Variants in SEC24B observed in about 807,000 individuals in gnomAD.
SEC24B encodes the protein protein transport protein Sec24B.
A neutral mutation model predicts 142.8 loss-of-function variants in SEC24B; 45 were observed. The ratio of observed to expected loss-of-function variants is 0.32; its 90% CI spans 0.25 to 0.40. SEC24B has a LOEUF of 0.40. SEC24B is among the 10% of genes least tolerant of loss of function. SEC24B has a pLI of 1.00. For missense variants in SEC24B, 1,409 were observed against 1,526.8 expected (o/e 0.92, Z 1.29); for synonymous variants, 574 against 568.2 (o/e 1.01, Z -0.15).
chr4:109,482,975 T>TAC (rs1213872850), intron 4 of SEC24B, among the ~76,000 whole-genome samples: 40 of 54,948 alleles, frequency 7.3e-4, no homozygotes, highest in Non-Finnish European at 8.9e-4. Context: ...TATATATATA[T>TAC]ATATACACAC....
chr4:109,444,044 A>G (rs1298950883), intron 1 of SEC24B, among the ~76,000 whole-genome samples: 1 of 151,752 alleles, frequency 6.6e-6, no homozygotes, highest in Non-Finnish European at 1.5e-5. Context: ...CCAACGTGGT[A>G]AAAACCCATC....
chr4:109,477,140 T>TAAA (rs759331468), intron 3 of SEC24B, among the ~76,000 whole-genome samples: 19 of 55,910 alleles, frequency 3.4e-4, no homozygotes, highest in Non-Finnish European at 6.3e-4. Flanking sequence ...CCGTCTCAAA[T>TAAA]AAAAAAAAAA....
chr4:109,488,392 CTTTT>C (rs2125996879), intron 4 of SEC24B, among the ~76,000 whole-genome samples: 1 of 152,234 alleles, frequency 6.6e-6, no homozygotes, highest in African/African-American at 2.4e-5. Context: ...TTGCATCTTT[CTTTT>C]AACATAATGT....
At chr4:109,434,233 CG>C (rs915837130) in intron 1 of SEC24B, among the ~76,000 whole-genome samples, 6 of 101,720 alleles carry the variant, frequency 5.9e-5, no homozygotes, top group Admixed American at 1.0e-4. Flanking sequence ...GGCGTGGGGG[CG>C]GGGGCCGGCC....
At position 109,524,919 on chromosome 4, in the gene SEC24B, G is replaced by A. The variant is rs1016724339; in HGVS notation, c.2610G>A (p.Gln870=). Residue 870 remains glutamine, a synonymous_variant, in exon 15 of 24, where the codon CAG becomes CAA. Transcript: ENST00000265175. ...TAVDLFLLSS[Q]YSDLASLACM... is the part of the protein sequence containing the mutation. Reference sequence around the variant, plus strand: ...TGGATTTGTTCCTTTTAAGTTCACAGTATTCTGATCTTGCTTCTCTAGGTA... The same window carrying A: ...TGGATTTGTTCCTTTTAAGTTCACAATATTCTGATCTTGCTTCTCTAGGTA... 1.2e-6 allele frequency: 2 copies of A among 1,611,974 alleles called. No individual in the cohort carries two copies. Among genetic ancestry groups the A allele is most frequent in the African/African-American group, 1.3e-5 (1 of 74,960 alleles).
At chr4:109,477,425 G>A (rs1278189101) in intron 3 of SEC24B, among the ~76,000 whole-genome samples, 2 of 151,918 alleles carry the variant, frequency 1.3e-5, no homozygotes, top group Admixed American at 6.6e-5. Flanking sequence ...GGGCTCAAGC[G>A]ATATTCCCAC....
chr4:109,539,786 CGCACA>C lies in SEC24B; in HGVS notation c.*116_*120del, dbSNP rs1001439742. 3.0e-6 allele frequency: 2 copies of C among 674,494 alleles called. No homozygotes were observed. Among genetic ancestry groups the C allele is most frequent in the Non-Finnish European group, 5.1e-6 (2 of 389,768 alleles). 41.8% of individuals were successfully genotyped at this position (674,494 alleles called of 1,614,324 possible). ...AGGCATTTGTTAATACAAGATGCAA[CGCACA>C]GCACTCTGTCTGAGGCTTTGGTAAA... On this transcript the variant is annotated 3_prime_UTR_variant, in exon 24 of 24. Coordinates refer to ENST00000265175, the MANE Select transcript of SEC24B (RefSeq NM_006323.5).
chr4:109,443,568 A>G (rs1410992612), intron 1 of SEC24B, among the ~76,000 whole-genome samples: 2 of 152,148 alleles, frequency 1.3e-5, no homozygotes, highest in African/African-American at 4.8e-5. Flanking sequence ...AATTCCTAGC[A>G]AATATTTATG....
chr4:109,449,031 T>C (rs1010324252), intron 1 of SEC24B, among the ~76,000 whole-genome samples: 10 of 152,120 alleles, frequency 6.6e-5, no homozygotes, highest in African/African-American at 2.4e-4. Context: ...TGCTTTCTCA[T>C]GATTAGATTG....
In SEC24B at chr4:109,460,755, GTAATATAT is replaced by G. The variant is rs202111576; in HGVS notation, c.134-2131_134-2124del. ...TTTAGAACAGTGAATGGCATATAAT[GTAATATAT>G]TAATATATTAATATTAATAAGACTA... is the stretch of plus-strand genomic sequence containing the variant. On this transcript the variant is annotated intron_variant, in intron 1 of 23. Coordinates refer to ENST00000265175, the MANE Select transcript of SEC24B (RefSeq NM_006323.5). Among the ~76,000 whole-genome samples, 6 of 150,652 alleles carry G rather than the reference GTAATATAT, an allele frequency of 4.0e-5. No individual in the cohort carries two copies. In the East Asian group the frequency reaches 5.8e-4, roughly 15 times the overall value.
At chr4:109,469,436 C>T (rs1732294936) in intron 2 of SEC24B, among the ~76,000 whole-genome samples, 1 of 152,182 alleles carries the variant, frequency 6.6e-6, no homozygotes, top group Admixed American at 6.5e-5. Context: ...GTTTGCAATT[C>T]ACTTAGAGAA....
chr4:109,488,687 C>T (rs1416050028), intron 4 of SEC24B: 1 of 165,098 alleles, frequency 6.1e-6, no homozygotes, highest in African/African-American at 2.4e-5. Context: ...TCCAAAGTAA[C>T]TGCACCATTT....
chr4:109,526,488 A>G, intron 17 of SEC24B, 89 bp downstream of exon 17: 5 of 900,744 alleles, frequency 5.6e-6, no homozygotes, highest in South Asian at 1.9e-5. Context: ...AAAAGAATGA[A>G]TACACAGTGG....
At chr4:109,444,330 A>C (rs945331191) in intron 1 of SEC24B, among the ~76,000 whole-genome samples, 1 of 152,168 alleles carries the variant, frequency 6.6e-6, no homozygotes, top group African/African-American at 2.4e-5. Context: ...GAGCCATTAA[A>C]GATTGTGTGG....
intron 5 of SEC24B, among the ~76,000 whole-genome samples, chr4:109,494,399 T>TAAA (rs1227533596): frequency 6.6e-6 from 1 of 152,142 alleles, no homozygotes; most frequent in Admixed American, 6.6e-5. Context: ...TGACAACATG[T>TAAA]AAAACAAGAT....
intron 1 of SEC24B, among the ~76,000 whole-genome samples, chr4:109,437,225 C>T (rs1350516783): frequency 6.6e-6 from 1 of 152,136 alleles, no homozygotes; most frequent in Admixed American, 6.5e-5. Context: ...CAAAAATTCA[C>T]ACATCTGGTC....
At chr4:109,450,221 G>A (rs1253831459) in intron 1 of SEC24B, among the ~76,000 whole-genome samples, 1 of 151,802 alleles carries the variant, frequency 6.6e-6, no homozygotes, top group African/African-American at 2.4e-5. Flanking sequence ...TCTTAAAAAT[G>A]TAGGGAAAAA....
At chr4:109,444,915 A>G (rs1729293674) in intron 1 of SEC24B, among the ~76,000 whole-genome samples, 1 of 152,158 alleles carries the variant, frequency 6.6e-6, no homozygotes, top group African/African-American at 2.4e-5. Flanking sequence ...GAGATTATAT[A>G]AAAACTGAAT....
chr4:109,517,726 C>T (rs977496462), intron 11 of SEC24B, among the ~76,000 whole-genome samples: 2 of 152,096 alleles, frequency 1.3e-5, no homozygotes, highest in Non-Finnish European at 2.9e-5. Context: ...ACAATCTTAT[C>T]TGTCAGTTTA....
Sources: gnomAD v4.1 joint callset for allele counts (sites outside exome capture counted in the v4.1 genomes callset) on GRCh38, gnomAD v4.1.1 for gene constraint, MANE v1.5 for transcripts, NCBI Gene and HGNC (gene_info 2026-07-23, HGNC 2026-07-21) for gene names.